Variants in TAFAZZIN observed in about 807,000 individuals in gnomAD.
The protein encoded by TAFAZZIN is protein G4.5.
A neutral mutation model predicts 27.3 loss-of-function variants in TAFAZZIN; 6 were observed. That is an observed-to-expected ratio of 0.22 (90% CI 0.12 to 0.43). The LOEUF (loss-of-function observed/expected upper bound fraction) is 0.43, where lower values mean the gene tolerates loss of function less well. Ranked by LOEUF, TAFAZZIN falls within the 20% of genes least tolerant of loss-of-function variation. The pLI is 1.00. For synonymous variants in TAFAZZIN, 79 were observed against 96.2 expected (o/e 0.82, Z 1.04); for missense variants, 127 against 244.5 (o/e 0.52, Z 3.21).
At chrX:154,414,282 C>T in intron 5 of TAFAZZIN, 92 bp downstream of exon 5, 1 of 697,969 alleles carries the variant, frequency 1.4e-6, no homozygotes, top group Non-Finnish European at 2.3e-6. Context: ...TTGAGACCAG[C>T]CTGGGCAACA....
chrX:154,416,778 C>T (rs2068501908), intron 5 of TAFAZZIN, among the ~76,000 whole-genome samples: 1 of 111,197 alleles, frequency 9.0e-6, no homozygotes, highest in African/African-American at 3.3e-5. Context: ...ATCTGAGGAG[C>T]CCCTCACCTG....
intron 2 of TAFAZZIN, 24 bp downstream of exon 2, chrX:154,412,238 A>C: frequency 8.4e-7 from 1 of 1,186,903 alleles, no homozygotes; most frequent in Non-Finnish European, 1.1e-6. Context: ...TGTGCTGGGC[A>C]GGGGGAGGAA....
chrX:154,414,045 T>C (rs2068409092), intron 4 of TAFAZZIN, 56 bp from the exon 5 acceptor site: 2 of 795,879 alleles, frequency 2.5e-6, no homozygotes, highest in South Asian at 2.1e-5. Context: ...CCCAAGGTCA[T>C]GGGGTAGGAG....
At chrX:154,412,522 T>TG in intron 2 of TAFAZZIN, 2 of 316,221 alleles carry the variant, frequency 6.3e-6, no homozygotes, top group Non-Finnish European at 1.1e-5. Context: ...CCCACAGTCT[T>TG]GGGAAAAATT....
intron 5 of TAFAZZIN, 197 bp from the exon 6 acceptor site, chrX:154,419,346 C>T (rs1233703760): frequency 3.2e-5 from 15 of 464,988 alleles, no homozygotes; most frequent in African/African-American, 1.9e-4. Flanking sequence ...CTGTGGATGG[C>T]GCAGTGGGGG....
intron 5 of TAFAZZIN, among the ~76,000 whole-genome samples, chrX:154,417,121 C>T (rs1603380221): frequency 9.5e-6 from 1 of 105,135 alleles, no homozygotes; most frequent in South Asian, 4.2e-4. Flanking sequence ...GGCGACAGAG[C>T]GAGACTCCGT....
At position 154,421,117 on chromosome X, in the gene TAFAZZIN, C is replaced by CA. The variant is rs1557194640; in HGVS notation, c.*115dup. 1 of 685,043 alleles carries CA rather than the reference C, an allele frequency of 1.5e-6. No homozygotes were observed. The highest frequency in any genetic ancestry group is 2.6e-5 in the Admixed American group (1 of 38,362). 56.5% of individuals were successfully genotyped at this position (685,043 alleles called of 1,213,427 possible). ...AGACAGATTTGTTCATAGACCCTCT[C>CA]AAGTGCCCTCTCCGAGCTGGTAGGC... On this transcript the variant is annotated 3_prime_UTR_variant, in exon 11 of 11. Transcript: ENST00000601016.
At chrX:154,419,915 G>A (rs2068580719) in intron 7 of TAFAZZIN, 117 bp from the exon 8 acceptor site, 1 of 1,102,041 alleles carries the variant, frequency 9.1e-7, no homozygotes, top group Middle Eastern at 3.2e-4. Flanking sequence ...GCAGGGGCTT[G>A]CCCAAGGGAG....
At chrX:154,412,396 T>G in intron 2 of TAFAZZIN, 182 bp downstream of exon 2, 1 of 606,541 alleles carries the variant, frequency 1.6e-6, no homozygotes, top group African/African-American at 2.2e-5. Flanking sequence ...TGAGGGAGCA[T>G]GATTTGGAGA....
Position 154,412,137 on chromosome X carries a change from T to C in TAFAZZIN, c.161T>C (p.Ile54Thr). The C allele has an allele frequency of 8.3e-7, 1 of 1,206,875 alleles. No homozygotes were observed. ...VHNREVLYEL[I>T]EKRGPATPLI... Reference sequence around the variant, plus strand: ...AACAGGGAGGTGCTGTACGAGCTCATCGAGAAGCGAGGCCCGGCCACGCCC... The same window carrying C: ...AACAGGGAGGTGCTGTACGAGCTCACCGAGAAGCGAGGCCCGGCCACGCCC... The change falls in exon 2 of 11, where the codon ATC becomes ACC. Residue 54 changes from isoleucine to threonine, a missense_variant. By Grantham distance (89) the Ile-to-Thr change is moderately conservative. Coordinates refer to ENST00000601016, the MANE Select transcript of TAFAZZIN (RefSeq NM_000116.5).
rs1227426497 is a variant in TAFAZZIN at position 154,414,134 on chromosome X, A to T, written c.404A>T (p.Lys135Ile). Residue 135 changes from lysine (K) to isoleucine (I), a missense_variant, in exon 5 of 11, where the codon AAA becomes ATA. Lys to Ile is a moderately radical substitution (Grantham distance 102). Coordinates refer to ENST00000601016, the MANE Select transcript of TAFAZZIN (RefSeq NM_000116.5). ...TTTTTCCAAGCAGAGAATGAGGGGA[A>T]AGGTGTTCTAGACACAGGCAGGCAC... is the stretch of plus-strand genomic sequence containing the variant. Reference protein sequence around the residue: ...AEFFQAENEGKGVLDTGRHMP... With the variant: ...AEFFQAENEGIGVLDTGRHMP... 1 of 1,206,686 alleles carries T rather than the reference A, an allele frequency of 8.3e-7. No individual in the cohort carries two copies. Among genetic ancestry groups the T allele is most frequent in the East Asian group, 3.0e-5 (1 of 33,694 alleles).
In TAFAZZIN at chrX:154,421,473, C is replaced by G. The variant is rs1441225479; in HGVS notation, c.*469C>G. 12 of 331,059 alleles carry G rather than the reference C, an allele frequency of 3.6e-5. No homozygotes were observed. Among genetic ancestry groups the G allele is most frequent in the Admixed American group, 2.2e-4 (7 of 32,212 alleles). The allele number at this position is 331,059 out of a possible 1,213,427, so 27.3% of individuals were successfully genotyped here. A position where few individuals can be genotyped will look rare whatever the true frequency, so the allele number is the denominator to read the frequency against. On this transcript the variant is annotated 3_prime_UTR_variant, in exon 11 of 11. Coordinates refer to ENST00000601016, the MANE Select transcript of TAFAZZIN (RefSeq NM_000116.5). ...TCTTCCTTCTGCCTGAGCTTCCCCCCCACCACAGGCCCTTTCCTCAGGCAA... is the reference window on the plus strand; with the variant it reads ...TCTTCCTTCTGCCTGAGCTTCCCCCGCACCACAGGCCCTTTCCTCAGGCAA...
chrX:154,414,895 G>A (rs1470133035), intron 5 of TAFAZZIN, among the ~76,000 whole-genome samples: 18 of 107,417 alleles, frequency 1.7e-4, no homozygotes, highest in African/African-American at 4.8e-4. Flanking sequence ...AGACTGAGAC[G>A]GGAGCATTGC....
intron 2 of TAFAZZIN, chrX:154,412,543 A>G (rs1603377138): frequency 3.4e-6 from 1 of 292,339 alleles, no homozygotes; most frequent in East Asian, 6.6e-5. Flanking sequence ...TGGGGGTTGG[A>G]CATAGGATAT....
Position 154,412,072 on chromosome X carries a change from T to G in TAFAZZIN, c.110-14T>G. ...GGGCGAGCCCGGAGCGCCTGACTTC[T>G]CCTTCCCCGCCAGAGTACATGAACC... On this transcript the variant is annotated splice_polypyrimidine_tract_variant and intron_variant, in intron 1 of 10. Coordinates refer to ENST00000601016, the MANE Select transcript of TAFAZZIN (RefSeq NM_000116.5). The G allele has an allele frequency of 2.5e-6, 3 of 1,209,903 alleles. No individual in the cohort carries two copies. In the South Asian group the frequency reaches 5.3e-5, roughly 21 times the overall value.
At position 154,421,607 on chromosome X, in the gene TAFAZZIN, A is replaced by G. The variant is rs1557194967; in HGVS notation, c.*603A>G. On this transcript the variant is annotated 3_prime_UTR_variant, in exon 11 of 11. Transcript: ENST00000601016. ...GCCTGAGGTCTGGCTGCTTGCCCCC[A>G]TGCTGGCGCCAACAACTTCTCCATC... is the stretch of plus-strand genomic sequence containing the variant. 1 of 330,288 alleles carries G rather than the reference A, an allele frequency of 3.0e-6. No individual in the cohort carries two copies. The highest frequency in any genetic ancestry group is 5.9e-6 in the Non-Finnish European group (1 of 170,115). 27.2% of individuals were successfully genotyped at this position (330,288 alleles called of 1,213,427 possible). A position where few individuals can be genotyped will look rare whatever the true frequency, so the allele number is the denominator to read the frequency against.
intron 4 of TAFAZZIN, 51 bp downstream of exon 4, chrX:154,413,618 C>T (rs2068391323): frequency 2.6e-6 from 3 of 1,170,656 alleles, no homozygotes; most frequent in Non-Finnish European, 1.2e-6. Flanking sequence ...GGCAGGAAAG[C>T]TGGTGGCCAG....
intron 5 of TAFAZZIN, 87 bp downstream of exon 5, chrX:154,414,277 A>G (rs1266216332): frequency 4.0e-6 from 3 of 754,722 alleles, no homozygotes; most frequent in Non-Finnish European, 6.1e-6. Context: ...GGAGTTTGAG[A>G]CCAGCCTGGG....
chrX:154,415,463 G>A (rs980002703), intron 5 of TAFAZZIN, among the ~76,000 whole-genome samples: 3 of 111,406 alleles, frequency 2.7e-5, no homozygotes, highest in African/African-American at 9.8e-5. Context: ...TAGATAGGTA[G>A]GTAGGTAGGT....
Sources: allele counts gnomAD v4.1 joint callset (sites outside exome capture counted in the v4.1 genomes callset), GRCh38; gene constraint gnomAD v4.1.1; transcripts MANE v1.5; gene names NCBI Gene and HGNC (gene_info 2026-07-23, HGNC 2026-07-21).